LAMA3: variants seen among roughly 807,000 people sequenced by gnomAD.
The protein encoded by LAMA3 is laminin subunit alpha 3, also known as laminin subunit alpha-3.
In LAMA3, 281 loss-of-function variants were observed where a neutral mutation model predicts 402.0. The ratio of observed to expected loss-of-function variants is 0.70; its 90% CI spans 0.63 to 0.77. The LOEUF (loss-of-function observed/expected upper bound fraction) is 0.77, where lower values mean the gene tolerates loss of function less well. LAMA3 is among the 30% of genes least tolerant of loss of function. The probability of loss-of-function intolerance (pLI) is 0.00; values close to 1 mark genes in which losing one functional copy is unlikely to be tolerated. For synonymous variants in LAMA3, 1,431 were observed against 1,558.4 expected, an observed-to-expected ratio of 0.92 and a Z score of 1.93; for missense variants, 3,840 against 4,215.5, an observed-to-expected ratio of 0.91 and a Z score of 2.47.
intron 12 of LAMA3, among the ~76,000 whole-genome samples, chr18:23,786,590 A>G (rs907087818): frequency 5.3e-5 from 8 of 152,242 alleles, no homozygotes; most frequent in Non-Finnish European, 1.0e-4. Flanking sequence ...CTTGTAGAGC[A>G]TAGCAGAATT....
At chr18:23,701,098 G>A (rs1333536105) in intron 1 of LAMA3, among the ~76,000 whole-genome samples, 1 of 152,188 alleles carries the variant, frequency 6.6e-6, no homozygotes, top group Admixed American at 6.5e-5. Context: ...GATGAGGTGC[G>A]GAGATTAGGA....
At chr18:23,824,664 C>T in intron 21 of LAMA3, 99 bp downstream of exon 21, 1 of 1,342,886 alleles carries the variant, frequency 7.4e-7, no homozygotes, top group South Asian at 1.2e-5. Context: ...TAAAATATCA[C>T]AATCATTGGT....
intron 13 of LAMA3, among the ~76,000 whole-genome samples, chr18:23,812,469 T>A (rs1598841928): frequency 6.6e-6 from 1 of 152,224 alleles, no homozygotes; most frequent in South Asian, 2.1e-4. Context: ...TTTATTTAAA[T>A]GATTTGAAAA....
chr18:23,944,657 G>C (rs1447261607), intron 69 of LAMA3, among the ~76,000 whole-genome samples: 3 of 152,128 alleles, frequency 2.0e-5, no homozygotes, highest in Non-Finnish European at 4.4e-5. Context: ...ATGGGGAGGG[G>C]GTTCCAGGAA....
At position 23,901,135 on chromosome 18, in the gene LAMA3, C is replaced by T. The variant is rs373250558; in HGVS notation, c.6013C>T (p.Arg2005Trp). ...GAGGTGATGTATTACAGTGCTGAAC[C>T]GGATAAGGACCTGGCAGAAAACCCA... Reference protein sequence around the residue: ...DKRESQLLLNRIRTWQKTHQG... With the variant: ...DKRESQLLLNWIRTWQKTHQG... The change falls in exon 48 of 75, where the codon CGG becomes TGG. Residue 2005 changes from arginine to tryptophan, a missense_variant. By Grantham distance (101) the Arg-to-Trp change is moderately radical. Coordinates refer to ENST00000313654, the MANE Select transcript of LAMA3 (RefSeq NM_198129.4). 1.2e-5 allele frequency: 20 copies of T among 1,613,720 alleles called. No homozygotes were observed. The Admixed American group carries it at 1.8e-4, about 15-fold the overall frequency.
At chr18:23,929,467 T>A (rs2082099413) in intron 64 of LAMA3, among the ~76,000 whole-genome samples, 2 of 152,214 alleles carry the variant, frequency 1.3e-5, no homozygotes, top group Admixed American at 1.3e-4. Flanking sequence ...ACTTCTAGTA[T>A]CTGTCAAGAA....
chr18:23,807,849 A>G (rs1036681098), intron 12 of LAMA3, among the ~76,000 whole-genome samples: 1 of 152,236 alleles, frequency 6.6e-6, no homozygotes, highest in African/African-American at 2.4e-5. Context: ...TAGTTAGCCA[A>G]GTTGACACAA....
Position 23,916,567 on chromosome 18 carries a change from G to A in LAMA3, c.7795G>A (p.Asp2599Asn), listed in dbSNP as rs1224353604. 1 of 1,613,994 alleles carries A rather than the reference G, an allele frequency of 6.2e-7. No individual in the cohort carries two copies. The highest frequency in any genetic ancestry group is 2.2e-5 in the East Asian group (1 of 44,894). ...TGTTGACAGGAGGAAGGAAGAGTCA[G>A]ACAAAAATTATTTTGAAGGTACGGG... Reference protein sequence around the residue: ...EPCRRRKEESDKNYFEGTGYA... With the variant: ...EPCRRRKEESNKNYFEGTGYA... The change falls in exon 60 of 75, where the codon GAC becomes AAC. Residue 2599 changes from aspartate (D) to asparagine (N), a missense_variant. Around this residue, in one of 3 missense-constraint regions of LAMA3, gnomAD observed 840 missense variants for 981.9 expected, o/e 0.86. Coordinates refer to ENST00000313654, the MANE Select transcript of LAMA3 (RefSeq NM_198129.4).
At chr18:23,944,349 G>C (rs2082633175) in intron 69 of LAMA3, among the ~76,000 whole-genome samples, 1 of 152,118 alleles carries the variant, frequency 6.6e-6, no homozygotes, top group African/African-American at 2.4e-5. Context: ...CTTGGCTCTT[G>C]CTTAAAGCCA....
At chr18:23,690,259 T>C (rs1412433324) in intron 1 of LAMA3, among the ~76,000 whole-genome samples, 1 of 152,104 alleles carries the variant, frequency 6.6e-6, no homozygotes, top group Non-Finnish European at 1.5e-5. Context: ...GAGGCTGCGC[T>C]CTAAGAGATG....
At chr18:23,724,588 A>C (rs1371737849) in intron 2 of LAMA3, among the ~76,000 whole-genome samples, 1 of 152,238 alleles carries the variant, frequency 6.6e-6, no homozygotes, top group Non-Finnish European at 1.5e-5. Context: ...AAAAATACTC[A>C]GTAAATGGAA....
chr18:23,890,038 C>T lies in LAMA3; in HGVS notation c.5331C>T (p.Pro1777=), dbSNP rs2145010591. Residue 1777 remains proline (P), a synonymous_variant, in exon 42 of 75, where the codon CCC becomes CCT. Coordinates refer to ENST00000313654, the MANE Select transcript of LAMA3 (RefSeq NM_198129.4). The stretch of plus-strand genomic sequence containing the variant: ...GTGCACCGGGATATTTCGGGAATCC[C>T]CAGAAATTCGGAGGTAGCTGCCAAC... ...ERCAPGYFGN[P]QKFGGSCQPC... 6.2e-7 allele frequency: 1 copy of T among 1,614,086 alleles called. No individual in the cohort carries two copies. The highest frequency in any genetic ancestry group is 1.1e-5 in the South Asian group (1 of 91,082).
intron 18 of LAMA3, among the ~76,000 whole-genome samples, chr18:23,818,928 T>C (rs1407061453): frequency 6.6e-6 from 1 of 152,178 alleles, no homozygotes; most frequent in Non-Finnish European, 1.5e-5. Context: ...GTTTTAAACA[T>C]TCTTTTATGT....
Position 23,880,769 on chromosome 18 carries a change from C to T in LAMA3, c.5113-1167C>T, listed in dbSNP as rs188834118. ...GTGGGTGCCTGTAATCCCAGCTACTCGGGAGGCTGAGGCAGGAGAATCACT... is the reference window on the plus strand; with the variant it reads ...GTGGGTGCCTGTAATCCCAGCTACTTGGGAGGCTGAGGCAGGAGAATCACT... On this transcript the variant is annotated intron_variant, in intron 39 of 74. Coordinates refer to ENST00000313654, the MANE Select transcript of LAMA3 (RefSeq NM_198129.4). 3.3e-5 allele frequency among the ~76,000 whole-genome samples: 5 copies of T among 152,172 alleles called. No homozygotes were observed. The South Asian group carries it at 6.2e-4, about 19-fold the overall frequency.
chr18:23,887,048 G>A (rs1339923646), intron 41 of LAMA3, among the ~76,000 whole-genome samples: 1 of 152,234 alleles, frequency 6.6e-6, no homozygotes, highest in Non-Finnish European at 1.5e-5. Context: ...AGCAAAAGGA[G>A]CATTTCTCAC....
chr18:23,809,484 C>T (rs568011158), intron 12 of LAMA3, among the ~76,000 whole-genome samples: 1 of 152,330 alleles, frequency 6.6e-6, no homozygotes, highest in Admixed American at 6.5e-5. Flanking sequence ...CCGGAGAAGT[C>T]AGTCAGGTCA....
Position 23,797,423 on chromosome 18 carries a change from T to C in LAMA3, c.1604-12943T>C, listed in dbSNP as rs1414385735. On this transcript the variant is annotated intron_variant, in intron 12 of 74. Transcript: ENST00000313654. ...TTGCTCTTTCTTGCTTTAAAAACTTTCAAAATCTGGCCAGGTGTGATGGCT... is the reference window on the plus strand; with the variant it reads ...TTGCTCTTTCTTGCTTTAAAAACTTCCAAAATCTGGCCAGGTGTGATGGCT... 4.6e-5 allele frequency among the ~76,000 whole-genome samples: 7 copies of C among 152,292 alleles called. No individual in the cohort carries two copies. The South Asian group carries it at 1.0e-3, about 23-fold the overall frequency.
chr18:23,810,527 G>A, intron 13 of LAMA3, 24 bp downstream of exon 13: 1 of 1,613,708 alleles, frequency 6.2e-7, no homozygotes, highest in African/African-American at 1.3e-5. Flanking sequence ...CAGATTGCTA[G>A]AGGGCTGGTT....
At chr18:23,896,949 A>C (rs988425818) in intron 44 of LAMA3, among the ~76,000 whole-genome samples, 1 of 152,174 alleles carries the variant, frequency 6.6e-6, no homozygotes, top group Admixed American at 6.5e-5. Flanking sequence ...TTAGCAGAGA[A>C]GTAATAAGAA....
Sources: allele counts gnomAD v4.1 joint callset (sites outside exome capture counted in the v4.1 genomes callset), GRCh38; gene constraint gnomAD v4.1.1; regional missense constraint gnomAD v4.1.1; transcripts MANE v1.5; gene names NCBI Gene and HGNC (gene_info 2026-07-23, HGNC 2026-07-21).